Variants in TC2N observed in about 807,000 individuals in gnomAD.
TC2N encodes tandem C2 domains, nuclear, also known as tandem C2 domains nuclear protein.
Under a neutral mutation model 61.9 loss-of-function variants are expected in TC2N, and 51 were observed. The observed-to-expected ratio is 0.82, with a 90% CI of 0.66 to 1.04. TC2N has a LOEUF of 1.04. Ranked by LOEUF, TC2N falls within the 50% of genes least tolerant of loss-of-function variation. The pLI, the probability that TC2N is intolerant of heterozygous loss-of-function variation, is 0.00. For missense variants in TC2N, 556 were observed against 566.7 expected (o/e 0.98, Z 0.19); for synonymous variants, 204 against 192.6 (o/e 1.06, Z -0.49).
At chr14:91,853,165 G>C (rs1396517222) in intron 1 of TC2N, among the ~76,000 whole-genome samples, 1 of 152,212 alleles carries the variant, frequency 6.6e-6, no homozygotes, top group African/African-American at 2.4e-5. Flanking sequence ...GAAGCCATTG[G>C]AGAGTTTGGA....
At chr14:91,820,299 G>C (rs1887186035) in intron 1 of TC2N, among the ~76,000 whole-genome samples, 1 of 151,936 alleles carries the variant, frequency 6.6e-6, no homozygotes, top group South Asian at 2.1e-4. Flanking sequence ...ATTTATCCCA[G>C]GATTGCAAGA....
At chr14:91,794,965 G>A (rs1310149166) in intron 8 of TC2N, among the ~76,000 whole-genome samples, 1 of 152,054 alleles carries the variant, frequency 6.6e-6, no homozygotes, top group Admixed American at 6.6e-5. Context: ...ATGCATGAAA[G>A]GTCAAAAAAA....
Position 91,830,664 on chromosome 14 carries a change from A to AG in TC2N, c.-56-16840_-56-16839insC, listed in dbSNP as rs386364280. Among the ~76,000 whole-genome samples, 461 of 151,718 alleles carry AG rather than the reference A, an allele frequency of 3.0e-3. 1 individual carries two copies. Among genetic ancestry groups the AG allele is most frequent in the Admixed American group, 5.6e-3 (86 of 15,230 alleles). On this transcript the variant is annotated intron_variant, in intron 1 of 11. Coordinates refer to ENST00000435962, the MANE Select transcript of TC2N (RefSeq NM_001128596.3). ...CAGCTAAATGAATATACAAAAAAAA[A>AG]CCCCACTGAATTGTACATTTTAAAG...
intron 8 of TC2N, among the ~76,000 whole-genome samples, chr14:91,795,412 T>C (rs1486477214): frequency 6.6e-6 from 1 of 152,118 alleles, no homozygotes; most frequent in East Asian, 1.9e-4. Flanking sequence ...TCAATAGATG[T>C]GGCCAACTTC....
At chr14:91,845,817 C>T (rs1044956344) in intron 1 of TC2N, among the ~76,000 whole-genome samples, 2 of 152,264 alleles carry the variant, frequency 1.3e-5, no homozygotes, top group African/African-American at 4.8e-5. Flanking sequence ...AAGCTGCAGT[C>T]TACACCTGAT....
intron 1 of TC2N, among the ~76,000 whole-genome samples, chr14:91,866,827 T>A (rs549252060): frequency 1.3e-5 from 2 of 152,112 alleles, no homozygotes; most frequent in Non-Finnish European, 2.9e-5. Flanking sequence ...AAAATAACAT[T>A]TGATGATTCC....
At chr14:91,799,854 A>G (rs1886131500) in intron 5 of TC2N, among the ~76,000 whole-genome samples, 1 of 152,140 alleles carries the variant, frequency 6.6e-6, no homozygotes, top group African/African-American at 2.4e-5. Context: ...TTTTTAAAAC[A>G]TCAAAATAAT....
intron 1 of TC2N, among the ~76,000 whole-genome samples, chr14:91,833,104 G>A (rs927691560): frequency 1.7e-4 from 26 of 152,162 alleles, no homozygotes; most frequent in Non-Finnish European, 8.8e-5. Flanking sequence ...TAATCAGGGA[G>A]AATACACAGG....
At chr14:91,807,138 A>G (rs1470292465) in intron 3 of TC2N, among the ~76,000 whole-genome samples, 1 of 152,208 alleles carries the variant, frequency 6.6e-6, no homozygotes, top group Non-Finnish European at 1.5e-5. Flanking sequence ...TAGATTTCAG[A>G]GGATGTAAGG....
chr14:91,785,012 C>A, intron 11 of TC2N, 150 bp downstream of exon 11: 2 of 534,406 alleles, frequency 3.7e-6, no homozygotes, highest in South Asian at 3.8e-5. Flanking sequence ...AAAAGTCTGA[C>A]AAGTTTCGAT....
chr14:91,819,350 A>T (rs1398213302), intron 1 of TC2N, among the ~76,000 whole-genome samples: 1 of 152,094 alleles, frequency 6.6e-6, no homozygotes, highest in Non-Finnish European at 1.5e-5. Context: ...TTAATTAATT[A>T]AAAAGGATAG....
chr14:91,859,428 C>T (rs748713660), intron 1 of TC2N, among the ~76,000 whole-genome samples: 3 of 152,200 alleles, frequency 2.0e-5, no homozygotes, highest in Non-Finnish European at 2.9e-5. Context: ...CCCGATCAAT[C>T]ACCAAGACCT....
chr14:91,826,969 A>C (rs551555021), intron 1 of TC2N, among the ~76,000 whole-genome samples: 1 of 152,288 alleles, frequency 6.6e-6, no homozygotes, highest in South Asian at 2.1e-4. Context: ...CTCATGTTTT[A>C]GATATGTCTC....
chr14:91,802,502 G>GA, intron 3 of TC2N, 81 bp from the exon 4 acceptor site: 1 of 1,317,484 alleles, frequency 7.6e-7, no homozygotes, highest in Non-Finnish European at 1.1e-6. Flanking sequence ...CAGGGTAAAA[G>GA]AAAAAATATT....
rs1441660221 is a variant in TC2N at position 91,780,951 on chromosome 14, G to C, written c.*2149C>G. On this transcript the variant is annotated 3_prime_UTR_variant, in exon 12 of 12. Coordinates refer to ENST00000435962, the MANE Select transcript of TC2N (RefSeq NM_001128596.3). Reference sequence around the variant, plus strand: ...TGTATCAATACTTCTGTACCTGAAAGCTCTTTTAAATGTAAGGGTTTTCTT... The same window carrying C: ...TGTATCAATACTTCTGTACCTGAAACCTCTTTTAAATGTAAGGGTTTTCTT... The C allele has an allele frequency of 1.3e-5, 2 of 149,600 alleles. No homozygotes were observed. The highest frequency in any genetic ancestry group is 6.6e-5 in the Admixed American group (1 of 15,108). The allele number at this position is 149,600 out of a possible 1,614,324, so 9.3% of individuals were successfully genotyped here.
chr14:91,794,761 G>T (rs958293326), intron 8 of TC2N, among the ~76,000 whole-genome samples: 4 of 152,078 alleles, frequency 2.6e-5, no homozygotes, highest in Admixed American at 1.3e-4. Context: ...TTATTTTCAT[G>T]TCTGCAAACA....
At chr14:91,785,391 AT>A (rs752087440) in intron 10 of TC2N, 30 bp from the exon 11 acceptor site, 1 of 1,559,044 alleles carries the variant, frequency 6.4e-7, no homozygotes, top group Non-Finnish European at 8.8e-7. Context: ...GGTTTATAAA[AT>A]GTTATTCAAA....
In TC2N at chr14:91,802,350, C is replaced by CAT. The variant is rs777445741; in HGVS notation, c.371_372dup (p.Asp125MetfsTer17). The CAT allele has an allele frequency of 2.9e-5, 47 of 1,612,580 alleles. No individual in the cohort carries two copies. The highest frequency in any genetic ancestry group is 3.9e-5 in the Non-Finnish European group (46 of 1,179,564). On this transcript the variant is annotated frameshift_variant, in exon 4 of 12. Coordinates refer to ENST00000435962, the MANE Select transcript of TC2N (RefSeq NM_001128596.3). LOFTEE classifies it high-confidence loss of function. ...TACATATAGAATGGGTTATACACATCATAGCTAGGTCCGTGCTGGGATGAA... is the reference window on the plus strand; with the variant it reads ...TACATATAGAATGGGTTATACACATCATATAGCTAGGTCCGTGCTGGGATGAA...
rs1212995684 is a variant in TC2N at position 91,800,324 on chromosome 14, T to C, written c.518A>G (p.Lys173Arg). The C allele has an allele frequency of 1.9e-6, 3 of 1,605,552 alleles. No individual in the cohort carries two copies. The highest frequency in any genetic ancestry group is 1.3e-5 in the African/African-American group (1 of 74,486). Reference protein sequence around the residue: ...NKLPGSPGLSKSMFDLTNSSQ... With the variant: ...NKLPGSPGLSRSMFDLTNSSQ... ...TGAGTTTGTAAGATCAAACATAGAT[T>C]TGCTTAGCCCAGGGGAACCGGGAAG... The change falls in exon 5 of 12, where the codon AAA becomes AGA. Residue 173 changes from lysine to arginine, a missense_variant. Transcript: ENST00000435962.
Sources: gnomAD v4.1 joint callset for allele counts (sites outside exome capture counted in the v4.1 genomes callset) on GRCh38, gnomAD v4.1.1 for gene constraint, MANE v1.5 for transcripts, NCBI Gene and HGNC (gene_info 2026-07-23, HGNC 2026-07-21) for gene names.